DAB1: variants seen among roughly 807,000 people sequenced by gnomAD.
DAB1 encodes the protein DAB adaptor protein 1, also known as disabled homolog 1.
Under a neutral mutation model 64.6 loss-of-function variants are expected in DAB1, and 15 were observed. That is an observed-to-expected ratio of 0.23 (90% CI 0.16 to 0.36). DAB1 has a LOEUF of 0.36. Among genes scored for constraint, DAB1 ranks in the 10% least tolerant of loss-of-function variants. The pLI is 1.00. For missense variants in DAB1, 596 were observed against 706.7 expected, an observed-to-expected ratio of 0.84 and a Z score of 1.78; for synonymous variants, 235 against 251.9, an observed-to-expected ratio of 0.93 and a Z score of 0.64.
At chr1:57,845,381 C>T (rs554384714) in intron 1 of DAB1, among the ~76,000 whole-genome samples, 47 of 152,208 alleles carry the variant, frequency 3.1e-4, no homozygotes, top group African/African-American at 1.1e-3. Context: ...AAAAAGTGAA[C>T]TGATGGATTT....
At chr1:58,452,193 C>T (rs1645145088) in intron 3 of DAB1, among the ~76,000 whole-genome samples, 1 of 151,812 alleles carries the variant, frequency 6.6e-6, no homozygotes, top group Non-Finnish European at 1.5e-5. Flanking sequence ...CTTGGCCTTC[C>T]AAAGTGCTAG....
intron 2 of DAB1, among the ~76,000 whole-genome samples, chr1:57,201,235 G>A (rs558209141): frequency 6.6e-6 from 1 of 152,008 alleles, no homozygotes; most frequent in East Asian, 1.9e-4. Flanking sequence ...CAGCAAGCAA[G>A]CATTCATTCA....
intron 6 of DAB1, among the ~76,000 whole-genome samples, chr1:57,783,547 T>C (rs1049423111): frequency 6.6e-6 from 1 of 152,180 alleles, no homozygotes; most frequent in African/African-American, 2.4e-5. Flanking sequence ...TTGCTTAGTG[T>C]CCATTTCGGC....
chr1:57,123,923 GT>G (rs1225124905), intron 4 of DAB1, among the ~76,000 whole-genome samples: 1 of 152,016 alleles, frequency 6.6e-6, no homozygotes, highest in East Asian at 1.9e-4. Context: ...ATAATTTGCA[GT>G]TTTTTTCTTT....
chr1:58,365,083 T>C (rs1355253451), intron 3 of DAB1, among the ~76,000 whole-genome samples: 2 of 152,222 alleles, frequency 1.3e-5, no homozygotes, highest in Non-Finnish European at 2.9e-5. Context: ...AATTTCTCCT[T>C]GGAAATTAGG....
intron 9 of DAB1, among the ~76,000 whole-genome samples, chr1:57,033,016 A>C (rs1647013869): frequency 6.6e-6 from 1 of 152,176 alleles, no homozygotes; most frequent in Admixed American, 6.5e-5. Flanking sequence ...TATCCCAGGC[A>C]ATGTTGCACT....
intron 5 of DAB1, among the ~76,000 whole-genome samples, chr1:57,961,771 C>T (rs950962489): frequency 3.3e-5 from 5 of 151,934 alleles, no homozygotes; most frequent in African/African-American, 9.7e-5. Context: ...GAGTTCAAGA[C>T]CAGCCTGACC....
intron 3 of DAB1, among the ~76,000 whole-genome samples, chr1:58,365,582 T>C (rs776000175): frequency 1.4e-4 from 21 of 152,336 alleles, no homozygotes; most frequent in Non-Finnish European, 1.3e-4. Context: ...CAATGCTTTA[T>C]TGAGTCTGAA....
chr1:57,520,793 T>C (rs1011699290), intron 7 of DAB1, among the ~76,000 whole-genome samples: 2 of 152,116 alleles, frequency 1.3e-5, no homozygotes, highest in African/African-American at 4.8e-5. Flanking sequence ...GATAGAAAGA[T>C]GCTCAAAAAA....
intron 7 of DAB1, among the ~76,000 whole-genome samples, chr1:57,500,136 A>C (rs1010512951): frequency 1.3e-5 from 2 of 152,248 alleles, no homozygotes; most frequent in African/African-American, 4.8e-5. Flanking sequence ...AACCAGACTA[A>C]GTTCTGAATG....
At chr1:57,433,534 A>C (rs1160322058) in intron 7 of DAB1, among the ~76,000 whole-genome samples, 1 of 152,136 alleles carries the variant, frequency 6.6e-6, no homozygotes, top group African/African-American at 2.4e-5. Flanking sequence ...ACAAAATATA[A>C]AAGCTAAAAT....
chr1:58,440,358 G>A lies in DAB1; in HGVS notation n.257+65702C>T, dbSNP rs573019211. On this transcript the variant is annotated intron_variant and non_coding_transcript_variant, in intron 3 of 20. Coordinates refer to the DAB1 transcript ENST00000485760. ...TCATAGCTTAAAGGAACAGTTCAAC[G>A]AGCAGGAGGGCCATATTAATACCCT... is the stretch of plus-strand genomic sequence containing the variant. 3.0e-4 allele frequency among the ~76,000 whole-genome samples: 46 copies of A among 152,300 alleles called. No individual in the cohort carries two copies. The South Asian group carries it at 7.1e-3, about 23-fold the overall frequency.
intron 1 of DAB1, chr1:57,874,941 T>C (rs544437410): frequency 6.6e-6 from 1 of 152,280 alleles, no homozygotes; most frequent in South Asian, 2.1e-4. Context: ...GCAGGATACA[T>C]GCTTCTAGAA....
chr1:57,189,002 T>C (rs1663870553), intron 2 of DAB1, among the ~76,000 whole-genome samples: 1 of 152,160 alleles, frequency 6.6e-6, no homozygotes, highest in Admixed American at 6.5e-5. Flanking sequence ...GTCTCATAGC[T>C]TGGAGGAGGG....
At chr1:57,010,821 TTC>T (rs759305520) in intron 13 of DAB1, 31 bp from the exon 14 acceptor site, 3 of 1,473,462 alleles carry the variant, frequency 2.0e-6, no homozygotes, top group Non-Finnish European at 2.7e-6. Context: ...ACTTTTTTTT[TTC>T]TCTCTTTTCA....
intron 7 of DAB1, among the ~76,000 whole-genome samples, chr1:57,535,867 C>T (rs1437787710): frequency 6.6e-6 from 1 of 152,130 alleles, no homozygotes; most frequent in Non-Finnish European, 1.5e-5. Flanking sequence ...ATTTAAAATG[C>T]AATCTTATGA....
At chr1:58,301,519 C>CATTA (rs1662168850) in intron 4 of DAB1, among the ~76,000 whole-genome samples, 1 of 152,060 alleles carries the variant, frequency 6.6e-6, no homozygotes, top group South Asian at 2.1e-4. Context: ...CATCAGCTAT[C>CATTA]ATTAGTGTTA....
chr1:57,917,587 C>T (rs992693477), intron 5 of DAB1, among the ~76,000 whole-genome samples: 3 of 152,172 alleles, frequency 2.0e-5, no homozygotes, highest in Non-Finnish European at 4.4e-5. Flanking sequence ...CATTTTCCCC[C>T]TTAGAGAGAC....
intron 4 of DAB1, among the ~76,000 whole-genome samples, chr1:58,339,080 C>T (rs548438319): frequency 6.6e-6 from 1 of 152,186 alleles, no homozygotes; most frequent in South Asian, 2.1e-4. Flanking sequence ...GTTGGAACTA[C>T]CGAGAAGTAG....
Sources: gnomAD v4.1 joint callset for allele counts (sites outside exome capture counted in the v4.1 genomes callset) on GRCh38, gnomAD v4.1.1 for gene constraint, MANE v1.5 for transcripts, NCBI Gene and HGNC (gene_info 2026-07-23, HGNC 2026-07-21) for gene names.